Variants in CYP4A11 observed in about 807,000 individuals in gnomAD.
CYP4A11 encodes cytochrome P450 4A11.
A neutral mutation model predicts 57.7 loss-of-function variants in CYP4A11; 52 were observed. The observed-to-expected ratio is 0.90, with a 90% CI of 0.72 to 1.14. CYP4A11 has a LOEUF of 1.14. Among genes scored for constraint, CYP4A11 ranks in the 50% most tolerant of loss-of-function variants. The probability of loss-of-function intolerance (pLI) is 0.00; values close to 1 mark genes in which losing one functional copy is unlikely to be tolerated. For missense variants in CYP4A11, 641 were observed against 642.1 expected (o/e 1.00, Z 0.02); for synonymous variants, 228 against 247.1 (o/e 0.92, Z 0.72).
At chr1:46,932,348 G>A (rs566108790) in intron 11 of CYP4A11, 1 of 1,083,278 alleles carries the variant, frequency 9.2e-7, no homozygotes, top group Non-Finnish European at 1.1e-6. Context: ...AAGGTAGTGT[G>A]CTGCATTGAG....
chr1:46,936,904 C>T (rs1295058739), intron 3 of CYP4A11, 113 bp from the exon 4 acceptor site: 5 of 1,461,392 alleles, frequency 3.4e-6, no homozygotes, highest in East Asian at 2.5e-5. Flanking sequence ...AAGGTGGCTT[C>T]TCAAGGGGAG....
chr1:46,935,464 G>C (rs1169723047), intron 5 of CYP4A11, 59 bp downstream of exon 5: 1 of 1,543,556 alleles, frequency 6.5e-7, no homozygotes, highest in Admixed American at 2.1e-5. Flanking sequence ...CTGCCCCTCA[G>C]GTATGTGCAC....
chr1:46,936,310 C>G (rs1681383970), intron 4 of CYP4A11, among the ~76,000 whole-genome samples: 1 of 152,234 alleles, frequency 6.6e-6, no homozygotes, highest in African/African-American at 2.4e-5. Flanking sequence ...CATGCTGCCA[C>G]TGAAGCTGCC....
chr1:46,933,100 C>T (rs566833340), intron 9 of CYP4A11, 53 bp from the exon 10 acceptor site: 2 of 1,603,622 alleles, frequency 1.2e-6, no homozygotes, highest in Non-Finnish European at 1.7e-6. Flanking sequence ...ATGGGGTGGC[C>T]TGGTACTTCA....
At position 46,941,333 on chromosome 1, in the gene CYP4A11, G is replaced by A. The variant is rs1681739488; in HGVS notation, c.101C>T (p.Ala34Val). 2 of 1,614,058 alleles carry A rather than the reference G, an allele frequency of 1.2e-6. No homozygotes were observed. Among genetic ancestry groups the A allele is most frequent in the African/African-American group, 2.7e-5 (2 of 74,934 alleles). The change falls in exon 1 of 12, where the codon GCA becomes GTA. Residue 34 changes from alanine (A) to valine (V), a missense_variant. Coordinates refer to ENST00000310638, the MANE Select transcript of CYP4A11 (RefSeq NM_000778.4). ...LLILLLLLIK[A>V]VQLYLHRQWL... ...CTGCCTGTGCAGGTAGAGCTGAACTGCCTTGATCAGCAGCAGAAGCAGAAT... is the reference window on the plus strand; with the variant it reads ...CTGCCTGTGCAGGTAGAGCTGAACTACCTTGATCAGCAGCAGAAGCAGAAT...
chr1:46,939,624 C>T (rs568714381), intron 1 of CYP4A11, among the ~76,000 whole-genome samples: 11 of 152,330 alleles, frequency 7.2e-5, no homozygotes, highest in Admixed American at 2.6e-4. Context: ...GTCAAGTTAA[C>T]ACTGCTCTGG....
At position 46,935,587 on chromosome 1, in the gene CYP4A11, A is replaced by G. The variant is rs746642707; in HGVS notation, c.571T>C (p.Leu191=). ...TTCATGATGGTGTCCAGGGTCATCA[A>G]GGAGACGTGCTGAAAGACCTCCAGA... ...SPLEVFQHVS[L]MTLDTIMKCA... The change falls in exon 5 of 12, where the codon TTG becomes CTG. Residue 191 remains leucine, a synonymous_variant. Coordinates refer to ENST00000310638, the MANE Select transcript of CYP4A11 (RefSeq NM_000778.4). 2 of 1,614,008 alleles carry G rather than the reference A, an allele frequency of 1.2e-6. No individual in the cohort carries two copies. Among genetic ancestry groups the G allele is most frequent in the East Asian group, 2.2e-5 (1 of 44,878 alleles).
chr1:46,936,975 T>C (rs1227309578), intron 3 of CYP4A11, among the ~76,000 whole-genome samples, 184 bp from the exon 4 acceptor site: 2 of 152,094 alleles, frequency 1.3e-5, no homozygotes, highest in South Asian at 2.1e-4. Flanking sequence ...ATTTCAGGCA[T>C]GTGAATATTC....
Position 46,936,758 on chromosome 1 carries a change from C to T in CYP4A11, c.416G>A (p.Trp139Ter), listed in dbSNP as rs772044016. Reference sequence around the variant, plus strand: ...GGTCAGCATCCGTCGATGCTGGAACCATGTCTGCCCATTCAACAGGAGCAA... The same window carrying T: ...GGTCAGCATCCGTCGATGCTGGAACTATGTCTGCCCATTCAACAGGAGCAA... ...YGLLLLNGQT[W>*]FQHRRMLTPA... The change falls in exon 4 of 12, where the codon TGG (tryptophan) becomes TAG (stop). Residue 139 changes from tryptophan to a stop codon, truncating the protein, a stop_gained. Coordinates refer to ENST00000310638, the MANE Select transcript of CYP4A11 (RefSeq NM_000778.4). LOFTEE classifies it high-confidence loss of function. 1.9e-6 allele frequency: 3 copies of T among 1,613,546 alleles called. No homozygotes were observed. The highest frequency in any genetic ancestry group is 2.7e-5 in the African/African-American group (2 of 74,814).
chr1:46,930,845 C>G (rs1366103380), intron 11 of CYP4A11, among the ~76,000 whole-genome samples: 1 of 152,098 alleles, frequency 6.6e-6, no homozygotes, highest in Non-Finnish European at 1.5e-5. Context: ...GGTGGGTGAT[C>G]CTCAGTGTTG....
intron 1 of CYP4A11, chr1:46,940,865 G>A: frequency 2.0e-6 from 2 of 985,378 alleles, no homozygotes; most frequent in Non-Finnish European, 2.4e-6. Context: ...CACAGGGCCA[G>A]GCAGAGTGAT....
intron 3 of CYP4A11, 84 bp downstream of exon 3, chr1:46,937,218 C>T (rs1165772461): frequency 2.0e-6 from 3 of 1,491,732 alleles, no homozygotes; most frequent in East Asian, 2.3e-5. Context: ...TAGTGGTGGC[C>T]TCTAATCTGT....
At chr1:46,939,906 T>G (rs1681646429) in intron 1 of CYP4A11, among the ~76,000 whole-genome samples, 1 of 145,206 alleles carries the variant, frequency 6.9e-6, no homozygotes, top group Non-Finnish European at 1.5e-5. Flanking sequence ...GGTTAGAACT[T>G]TGGCAGGTCC....
intron 4 of CYP4A11, 89 bp downstream of exon 4, chr1:46,936,575 T>G (rs575849153): frequency 1.2e-4 from 172 of 1,485,174 alleles, no homozygotes; most frequent in Middle Eastern, 9.7e-4. Flanking sequence ...TATGTCTATG[T>G]CTGCCTGTGG....
intron 4 of CYP4A11, among the ~76,000 whole-genome samples, 153 bp from the exon 5 acceptor site, chr1:46,935,800 G>T (rs1175151870): frequency 6.6e-6 from 1 of 152,220 alleles, no homozygotes; most frequent in East Asian, 1.9e-4. Flanking sequence ...CAGATGCATT[G>T]TAGAAACTGA....
At chr1:46,939,248 G>A (rs1390154862) in intron 1 of CYP4A11, among the ~76,000 whole-genome samples, 1 of 152,184 alleles carries the variant, frequency 6.6e-6, no homozygotes, top group Non-Finnish European at 1.5e-5. Flanking sequence ...GAGGCAGCTT[G>A]CCCTACTGTG....
chr1:46,940,770 C>G lies in CYP4A11; in HGVS notation c.195+469G>C, dbSNP rs946657865. ...CTCCTTTCCTGCAGTCTGACACCTT[C>G]TCAAATTCCTGCCTGTATTCTTCAC... On this transcript the variant is annotated intron_variant, in intron 1 of 11. Coordinates refer to ENST00000310638, the MANE Select transcript of CYP4A11 (RefSeq NM_000778.4). 1.2e-5 allele frequency: 12 copies of G among 985,334 alleles called. No individual in the cohort carries two copies. In the Admixed American group the frequency reaches 1.8e-4, roughly 15 times the overall value. The allele number at this position is 985,334 out of a possible 1,614,324, so 61.0% of individuals were successfully genotyped here.
chr1:46,936,840 TG>T, intron 3 of CYP4A11, 49 bp from the exon 4 acceptor site: 1 of 1,515,724 alleles, frequency 6.6e-7, no homozygotes, highest in Non-Finnish European at 8.9e-7. Context: ...TGTGTGTGTG[TG>T]TGTCAGGGGC....
At position 46,937,370 on chromosome 1, in the gene CYP4A11, T is replaced by C. The variant is rs191062302; in HGVS notation, c.338-24A>G. The C allele has an allele frequency of 8.9e-3, 14,397 of 1,611,974 alleles. 93 individuals are homozygous for C. The highest frequency in any genetic ancestry group is 0.011 in the Non-Finnish European group (12,560 of 1,178,104). On this transcript the variant is annotated intron_variant, in intron 2 of 11. Transcript: ENST00000310638. Reference sequence around the variant, plus strand: ...GTCTGAAAGGCAAGAAAGGGCTTTATAGGAAACTAGGAGTTACTAAGAAGG... The same window carrying C: ...GTCTGAAAGGCAAGAAAGGGCTTTACAGGAAACTAGGAGTTACTAAGAAGG...
Sources: allele counts gnomAD v4.1 joint callset (sites outside exome capture counted in the v4.1 genomes callset), GRCh38; gene constraint gnomAD v4.1.1; transcripts MANE v1.5; gene names NCBI Gene and HGNC (gene_info 2026-07-23, HGNC 2026-07-21).